The following MAPT variants were observed in gnomAD, a reference collection of about 807,000 sequenced individuals.
The protein encoded by MAPT is microtubule-associated protein tau.
Under a neutral mutation model 67.9 loss-of-function variants are expected in MAPT, and 34 were observed. The observed-to-expected ratio is 0.50, with a 90% CI of 0.38 to 0.67. MAPT has a LOEUF of 0.67. Among genes scored for constraint, MAPT ranks in the 30% least tolerant of loss-of-function variants. The pLI is 0.00. For synonymous variants in MAPT, 456 were observed against 464.5 expected (o/e 0.98, Z 0.23); for missense variants, 881 against 1,115.2 (o/e 0.79, Z 2.99).
chr17:46,023,632 G>A (rs1027599046), intron 12 of MAPT, among the ~76,000 whole-genome samples: 1 of 152,178 alleles, frequency 6.6e-6, no homozygotes, highest in Non-Finnish European at 1.5e-5. Context: ...TTGCGTCCAG[G>A]AGTTCAAGAC....
intron 4 of MAPT, chr17:45,979,440 C>G (rs2072723287): frequency 6.6e-6 from 1 of 152,228 alleles, no homozygotes; most frequent in South Asian, 2.1e-4. Context: ...GCCTCTGAGG[C>G]CATCTGATTC....
chr17:45,919,198 G>C (rs187893667), intron 1 of MAPT, among the ~76,000 whole-genome samples: 5 of 152,116 alleles, frequency 3.3e-5, no homozygotes, highest in African/African-American at 9.7e-5. Context: ...CTGCAGCACC[G>C]CTCAGCCCTG....
chr17:45,988,966 G>T (rs1420108582), intron 6 of MAPT, among the ~76,000 whole-genome samples: 1 of 151,850 alleles, frequency 6.6e-6, no homozygotes, highest in Admixed American at 6.6e-5. Context: ...ATATTAGTTT[G>T]ATTTGAGACT....
intron 1 of MAPT, among the ~76,000 whole-genome samples, chr17:45,941,717 T>TCCTTCCTTCCTG (rs2067993064): frequency 1.1e-4 from 10 of 88,370 alleles, no homozygotes; most frequent in East Asian, 7.6e-4. Flanking sequence ...CTTCCTTCCT[T>TCCTTCCTTCCTG]CCTTCCTTCC....
At chr17:45,994,658 A>G (rs1481006981) in intron 8 of MAPT, among the ~76,000 whole-genome samples, 2 of 152,168 alleles carry the variant, frequency 1.3e-5, no homozygotes, top group African/African-American at 4.8e-5. Flanking sequence ...CCCCGTCTCT[A>G]TAAAAAACAT....
rs1359233176 is a variant in MAPT at position 45,898,604 on chromosome 17, G to T, written c.-18+3918G>T. On this transcript the variant is annotated intron_variant, in intron 1 of 12. Transcript: ENST00000262410. ...TTCCACTTTCCCTCAGCATTTATGT[G>T]TGTGGTTTCAGTAGCTCTGTGGCTA... The T allele has an allele frequency of 3.3e-5, 5 of 152,284 alleles. No homozygotes were observed. In the East Asian group the frequency reaches 9.6e-4, roughly 29 times the overall value. 9.4% of individuals were successfully genotyped at this position (152,284 alleles called of 1,614,324 possible). A position where few individuals can be genotyped will look rare whatever the true frequency, so the allele number is the denominator to read the frequency against.
At chr17:45,962,578 A>G in intron 2 of MAPT, 108 bp downstream of exon 2, 1 of 1,395,300 alleles carries the variant, frequency 7.2e-7, no homozygotes, top group Non-Finnish European at 9.9e-7. Flanking sequence ...TTATTGTCTT[A>G]GACTGTCAGT....
intron 9 of MAPT, among the ~76,000 whole-genome samples, chr17:46,007,894 G>A (rs1214662857): frequency 6.6e-6 from 1 of 152,200 alleles, no homozygotes. Flanking sequence ...GTTCATGGGA[G>A]GCTGTTTGTA....
intron 11 of MAPT, among the ~76,000 whole-genome samples, chr17:46,015,228 C>T (rs1419621393): frequency 6.6e-6 from 1 of 151,414 alleles, no homozygotes; most frequent in Non-Finnish European, 1.5e-5. Context: ...GGCATGGTGG[C>T]GGGCGCCTGT....
chr17:45,924,720 A>G lies in MAPT; in HGVS notation c.-18+30034A>G, dbSNP rs1360080721. On this transcript the variant is annotated intron_variant, in intron 1 of 12. Coordinates refer to ENST00000262410, the MANE Select transcript of MAPT (RefSeq NM_001377265.1). ...TAGTGGTGACAACCAGGAGTGGCTT[A>G]TGGGAACTATCCCAATGGCCTGACA... is the stretch of plus-strand genomic sequence containing the variant. Among the ~76,000 whole-genome samples, 3 of 152,226 alleles carry G rather than the reference A, an allele frequency of 2.0e-5. No individual in the cohort carries two copies. The East Asian group carries it at 5.8e-4, about 29-fold the overall frequency.
chr17:46,006,584 G>A (rs1453299833), intron 9 of MAPT, among the ~76,000 whole-genome samples: 2 of 151,664 alleles, frequency 1.3e-5, no homozygotes, highest in South Asian at 2.1e-4. Flanking sequence ...GAGTGTAATT[G>A]GACTGGCTAA....
rs1330985479 is a variant in MAPT, at chr17:45,996,848, C to A, written c.1998+184C>A. ...GCATAACACCCCAGTCCCCTCTGGA[C>A]CCTCTTCAAGGAAGTTCAGTTCTTT... is the stretch of plus-strand genomic sequence containing the variant. On this transcript the variant is annotated intron_variant, in intron 9 of 12. Coordinates refer to ENST00000262410, the MANE Select transcript of MAPT (RefSeq NM_001377265.1). This position sits in a 1 kb window ranked among gnomAD's most constrained non-coding sequence, Gnocchi z 4.5. 6.6e-6 allele frequency among the ~76,000 whole-genome samples: 1 copy of A among 152,210 alleles called. No homozygotes were observed.
At chr17:45,958,147 G>A (rs975809486) in intron 1 of MAPT, among the ~76,000 whole-genome samples, 20 of 152,096 alleles carry the variant, frequency 1.3e-4, no homozygotes, top group Admixed American at 1.0e-3. Context: ...AAATATTCCA[G>A]ATGAATTAAT....
At chr17:45,894,842 C>T (rs1212018218) in intron 1 of MAPT, 156 bp downstream of exon 1, 1 of 152,008 alleles carries the variant, frequency 6.6e-6, no homozygotes, top group Non-Finnish European at 1.5e-5. Flanking sequence ...TGCTCGGGGG[C>T]TGGGGCCAGG....
At chr17:45,970,047 CCCAT>C (rs369221637) in intron 2 of MAPT, among the ~76,000 whole-genome samples, 27 of 145,732 alleles carry the variant, frequency 1.9e-4, no homozygotes, top group Middle Eastern at 4.1e-3. Context: ...CATCTATCCA[CCCAT>C]CCATCCATCC....
intron 9 of MAPT, among the ~76,000 whole-genome samples, chr17:46,009,946 G>A (rs569269443): frequency 6.6e-6 from 1 of 152,198 alleles, no homozygotes; most frequent in Non-Finnish European, 1.5e-5. Flanking sequence ...CAGTGTGGCC[G>A]AACACATTTT....
chr17:45,978,303 A>G, intron 3 of MAPT, 72 bp from the exon 4 acceptor site: 2 of 1,207,024 alleles, frequency 1.7e-6, no homozygotes, highest in Non-Finnish European at 2.5e-6. Context: ...CCGAAGGTAC[A>G]GAGAGCTTGG....
intron 4 of MAPT, among the ~76,000 whole-genome samples, chr17:45,982,346 CG>C (rs1326024766): frequency 2.6e-5 from 2 of 75,660 alleles, no homozygotes; most frequent in Non-Finnish European, 5.1e-5. Context: ...GGGTGGGGGG[CG>C]GGGGCAGGAG....
At chr17:45,926,137 G>A (rs988316144) in intron 1 of MAPT, among the ~76,000 whole-genome samples, 1 of 152,038 alleles carries the variant, frequency 6.6e-6, no homozygotes, top group Non-Finnish European at 1.5e-5. Context: ...CTTGAACCCA[G>A]GAGGTGGAGG....
Sources: gnomAD v4.1 joint callset for allele counts (sites outside exome capture counted in the v4.1 genomes callset) on GRCh38, gnomAD v4.1.1 for gene constraint, Gnocchi (gnomAD v3.1) non-coding constraint, MANE v1.5 for transcripts, NCBI Gene and HGNC (gene_info 2026-07-23, HGNC 2026-07-21) for gene names.